The following RRM2 variants were observed in gnomAD, a reference collection of about 807,000 sequenced individuals.
The protein encoded by RRM2 is ribonucleotide reductase regulatory subunit M2.
A neutral mutation model predicts 45.9 loss-of-function variants in RRM2; 6 were observed. That is an observed-to-expected ratio of 0.13 (90% CI 0.07 to 0.26). The LOEUF is 0.26. Ranked by LOEUF, RRM2 falls within the 10% of genes least tolerant of loss-of-function variation. RRM2 has a pLI of 1.00. For missense variants in RRM2, 343 were observed against 489.5 expected (o/e 0.70, Z 2.82); for synonymous variants, 177 against 173.0 (o/e 1.02, Z -0.18).
At chr2:10,186,443 C>T (rs1284187622) in intron 3 of RRM2, among the ~76,000 whole-genome samples, 1 of 152,128 alleles carries the variant, frequency 6.6e-6, no homozygotes, top group Non-Finnish European at 1.5e-5. Context: ...GCGTGAGCCA[C>T]CGTGCCCGGC....
chr2:10,184,552 A>C (rs1038249145), intron 3 of RRM2, among the ~76,000 whole-genome samples: 1 of 152,264 alleles, frequency 6.6e-6, no homozygotes, highest in African/African-American at 2.4e-5. Flanking sequence ...CCCACATGGC[A>C]GGCCCTTTGA....
At chr2:10,147,529 G>A (rs1461023617) in intron 3 of RRM2, among the ~76,000 whole-genome samples, 1 of 152,084 alleles carries the variant, frequency 6.6e-6, no homozygotes, top group African/African-American at 2.4e-5. Context: ...CTTCCAAAAT[G>A]CTGGGATTAC....
At chr2:10,208,626 A>G (rs945291352) in intron 3 of RRM2, among the ~76,000 whole-genome samples, 2 of 152,196 alleles carry the variant, frequency 1.3e-5, no homozygotes, top group African/African-American at 4.8e-5. Context: ...TCTTTGTTTC[A>G]TGAGCTGTTT....
At chr2:10,150,970 C>A (rs1663300595) in intron 3 of RRM2, among the ~76,000 whole-genome samples, 1 of 151,338 alleles carries the variant, frequency 6.6e-6, no homozygotes, top group African/African-American at 2.4e-5. Flanking sequence ...CCTGCTACCA[C>A]GCCCGACTAA....
intron 3 of RRM2, among the ~76,000 whole-genome samples, chr2:10,193,186 G>T (rs1418971368): frequency 6.6e-6 from 1 of 152,188 alleles, no homozygotes; most frequent in East Asian, 1.9e-4. Context: ...GGATCTCGGG[G>T]GGCTGGCCTG....
intron 3 of RRM2, among the ~76,000 whole-genome samples, chr2:10,150,543 G>A (rs956240885): frequency 7.0e-6 from 1 of 143,042 alleles, no homozygotes; most frequent in Admixed American, 7.1e-5. Flanking sequence ...GTGTATAATT[G>A]ACATACAATA....
rs144086342 is a variant in RRM2, at chr2:10,208,363, C to T, written n.483-1948C>T. On this transcript the variant is annotated intron_variant and non_coding_transcript_variant, in intron 3 of 3. Coordinates refer to the RRM2 transcript ENST00000381786. ...TTTCCCATTTTGAAAATGTACATTG[C>T]TCTGTGTTGCTGGGACTGCAGTGAG... Among the ~76,000 whole-genome samples, 221 of 152,280 alleles carry T rather than the reference C, an allele frequency of 1.5e-3. 2 individuals carry two copies. Among genetic ancestry groups the T allele is most frequent in the African/African-American group, 5.1e-3 (210 of 41,550 alleles).
intron 3 of RRM2, among the ~76,000 whole-genome samples, chr2:10,152,344 A>G (rs753398247): frequency 1.3e-5 from 2 of 152,076 alleles, no homozygotes; most frequent in African/African-American, 2.4e-5. Context: ...TGACTTGTAA[A>G]TATTTTCTGT....
downstream of RRM2, among the ~76,000 whole-genome samples, chr2:10,135,001 C>G (rs1404984976): frequency 1.3e-5 from 2 of 152,182 alleles, no homozygotes; most frequent in Admixed American, 1.3e-4. Flanking sequence ...AATCATTAAA[C>G]GAATGTTTCA....
chr2:10,124,321 G>A lies in RRM2; in HGVS notation c.436-396G>A, dbSNP rs186028912. Among the ~76,000 whole-genome samples the A allele has an allele frequency of 3.0e-4, 46 of 152,240 alleles. No homozygotes were observed. The East Asian group carries it at 7.3e-3, about 24-fold the overall frequency. ...GGGTTTTACCATGTTGGCCAGGCTG[G>A]TCTCGAACTGCTGACCTCAGGTGAT... On this transcript the variant is annotated intron_variant, in intron 4 of 9. Transcript: ENST00000304567.
rs1558378417 is a variant in RRM2 at position 10,122,746 on chromosome 2, C to T, written c.-53C>T. On this transcript the variant is annotated 5_prime_UTR_variant, in exon 1 of 10. Coordinates refer to ENST00000304567, the MANE Select transcript of RRM2 (RefSeq NM_001034.4). ...TGGAGTGAGGGGTCGCCCGTGCACC[C>T]TGTCCCAGCCGTCCTGTCCTGGCTG... 1 of 1,555,418 alleles carries T rather than the reference C, an allele frequency of 6.4e-7. No homozygotes were observed.
intron 3 of RRM2, among the ~76,000 whole-genome samples, chr2:10,182,400 A>C (rs1219370892): frequency 1.3e-5 from 2 of 152,082 alleles, no homozygotes; most frequent in African/African-American, 2.4e-5. Flanking sequence ...CACAAAAAAC[A>C]AAACTATGAA....
intron 3 of RRM2, among the ~76,000 whole-genome samples, chr2:10,147,406 G>A (rs1258587383): frequency 6.6e-6 from 1 of 152,098 alleles, no homozygotes; most frequent in African/African-American, 2.4e-5. Flanking sequence ...CCTCATCTGA[G>A]TATCAGGGAC....
chr2:10,155,876 G>C (rs549607837), intron 3 of RRM2: 1 of 152,380 alleles, frequency 6.6e-6, no homozygotes, highest in South Asian at 2.1e-4. Context: ...TTCGCACAAT[G>C]ACATGGGCTC....
At chr2:10,158,288 C>T (rs886807273) in intron 3 of RRM2, among the ~76,000 whole-genome samples, 1 of 152,160 alleles carries the variant, frequency 6.6e-6, no homozygotes, top group African/African-American at 2.4e-5. Flanking sequence ...GTCAGCAGTT[C>T]TGGCACAGGA....
chr2:10,180,442 G>A (rs1219482292), intron 3 of RRM2, among the ~76,000 whole-genome samples: 2 of 152,152 alleles, frequency 1.3e-5, no homozygotes. Flanking sequence ...ATTCACCCTC[G>A]CTGCATAATG....
chr2:10,195,484 C>T lies in RRM2; in HGVS notation n.483-14827C>T, dbSNP rs1201565614. ...AGGAGCATGCGGGGGAGACCTTGGC[C>T]CAGCCCTGCAGTCAGGCAGTAGGTG... On this transcript the variant is annotated intron_variant and non_coding_transcript_variant, in intron 3 of 3. Coordinates refer to the RRM2 transcript ENST00000381786. The surrounding 1 kb of genome is among the most constrained non-coding windows in gnomAD (Gnocchi z 4.9). Among the ~76,000 whole-genome samples the T allele has an allele frequency of 6.6e-6, 1 of 152,148 alleles. No homozygotes were observed. Among genetic ancestry groups the T allele is most frequent in the Non-Finnish European group, 1.5e-5 (1 of 68,032 alleles).
chr2:10,165,669 G>C (rs1663664656), intron 3 of RRM2, among the ~76,000 whole-genome samples: 1 of 152,194 alleles, frequency 6.6e-6, no homozygotes. Context: ...TCCTCTCCTG[G>C]GTGACCAGGG....
chr2:10,174,655 C>T (rs1451804953), intron 3 of RRM2, among the ~76,000 whole-genome samples: 1 of 151,624 alleles, frequency 6.6e-6, no homozygotes, highest in East Asian at 1.9e-4. Context: ...CCACCTGAAG[C>T]CAGGAGTTCC....
Sources: gnomAD v4.1 joint callset for allele counts (sites outside exome capture counted in the v4.1 genomes callset) on GRCh38, gnomAD v4.1.1 for gene constraint, Gnocchi (gnomAD v3.1) non-coding constraint, MANE v1.5 for transcripts, NCBI Gene and HGNC (gene_info 2026-07-23, HGNC 2026-07-21) for gene names.